Variants in CNKSR3 observed in about 807,000 individuals in gnomAD.
CNKSR3 encodes CNKSR family member 3, also known as connector enhancer of kinase suppressor of ras 3.
Under a neutral mutation model 67.7 loss-of-function variants are expected in CNKSR3, and 36 were observed. The ratio of observed to expected loss-of-function variants is 0.53; its 90% CI spans 0.41 to 0.70. The LOEUF is 0.70. Among genes scored for constraint, CNKSR3 ranks in the 30% least tolerant of loss-of-function variants. CNKSR3 has a pLI of 0.00. For synonymous variants in CNKSR3, 281 were observed against 271.4 expected (o/e 1.04, Z -0.35); for missense variants, 630 against 695.2 (o/e 0.91, Z 1.05).
chr6:154,428,461 G>T (rs1209248565), intron 6 of CNKSR3, among the ~76,000 whole-genome samples: 1 of 152,192 alleles, frequency 6.6e-6, no homozygotes, highest in Non-Finnish European at 1.5e-5. Context: ...GAGGATGTGG[G>T]AGTGTTCTTA....
chr6:154,505,810 T>G (rs1787091344), intron 1 of CNKSR3, among the ~76,000 whole-genome samples: 1 of 152,076 alleles, frequency 6.6e-6, no homozygotes, highest in African/African-American at 2.4e-5. Context: ...AACTACACAA[T>G]TGTTGAGAGC....
rs190695472 is a variant in CNKSR3 at position 154,441,313 on chromosome 6, G to A, written c.486C>T (p.Asp162=). The change falls in exon 4 of 13, where the codon GAC becomes GAT. Residue 162 remains aspartate, a synonymous_variant. Transcript: ENST00000607772. ...TGACCTTCTGGACTGTAGTGGTCAG[G>A]TCCAAGCAAAGCTGGATAATTTTGT... ...TKNKIIQLCL[D]LTTTVQKDCF... is the part of the protein sequence containing the mutation. 1.9e-6 allele frequency: 3 copies of A among 1,612,356 alleles called. No homozygotes were observed. Among genetic ancestry groups the A allele is most frequent in the Non-Finnish European group, 2.5e-6 (3 of 1,179,032 alleles).
chr6:154,412,180 G>A, intron 10 of CNKSR3, among the ~76,000 whole-genome samples: 1 of 152,128 alleles, frequency 6.6e-6, no homozygotes, highest in East Asian at 1.9e-4. Flanking sequence ...CAGGTGGGAT[G>A]GCATCCACCT....
rs1386768785 is a variant in CNKSR3 at position 154,395,506 on chromosome 6, GT to G, written c.*10847del. ...GTGTGGGGGAGCAGAATTTCCACTT[GT>G]TTTCTTTCATCAACAAAGTAGAACA... On this transcript the variant is annotated 3_prime_UTR_variant, in exon 13 of 13. Coordinates refer to ENST00000607772, the MANE Select transcript of CNKSR3 (RefSeq NM_173515.4). 2.6e-5 allele frequency: 4 copies of G among 152,236 alleles called. No homozygotes were observed. Among genetic ancestry groups the G allele is most frequent in the East Asian group, 3.9e-4 (2 of 5,184 alleles). The allele number at this position is 152,236 out of a possible 1,614,324, so 9.4% of individuals were successfully genotyped here.
At chr6:154,487,564 G>A (rs1024635317) in intron 1 of CNKSR3, among the ~76,000 whole-genome samples, 1 of 152,206 alleles carries the variant, frequency 6.6e-6, no homozygotes, top group Non-Finnish European at 1.5e-5. Context: ...GTTTCAGAAT[G>A]AGGAACGGCC....
chr6:154,430,858 C>T (rs1220380993), intron 5 of CNKSR3, among the ~76,000 whole-genome samples: 1 of 152,026 alleles, frequency 6.6e-6, no homozygotes, highest in African/African-American at 2.4e-5. Flanking sequence ...GCAGAAATCC[C>T]CTTTCAGCAA....
At chr6:154,475,431 C>T (rs915401931) in intron 1 of CNKSR3, among the ~76,000 whole-genome samples, 3 of 152,162 alleles carry the variant, frequency 2.0e-5, no homozygotes, top group South Asian at 2.1e-4. Context: ...GCCCCCTCCC[C>T]GGTGGAAATG....
At chr6:154,497,103 C>T (rs1374212033) in intron 1 of CNKSR3, among the ~76,000 whole-genome samples, 4 of 152,058 alleles carry the variant, frequency 2.6e-5, no homozygotes, top group African/African-American at 9.7e-5. Flanking sequence ...AAAGGCCAGG[C>T]GCGGTGGCTC....
Position 154,510,132 on chromosome 6 carries a change from C to T in CNKSR3, c.-18G>A, listed in dbSNP as rs1309736320. ...GGTTCCATGGTAAACCGCTTCGCCTCTCGCTGGGCTGGAGAGTCGCAGATA... is the reference window on the plus strand; with the variant it reads ...GGTTCCATGGTAAACCGCTTCGCCTTTCGCTGGGCTGGAGAGTCGCAGATA... On this transcript the variant is annotated 5_prime_UTR_variant, in exon 1 of 13. Coordinates refer to ENST00000607772, the MANE Select transcript of CNKSR3 (RefSeq NM_173515.4). 6.2e-7 allele frequency: 1 copy of T among 1,613,984 alleles called. No individual in the cohort carries two copies. Among genetic ancestry groups the T allele is most frequent in the Admixed American group, 1.7e-5 (1 of 60,012 alleles).
chr6:154,425,558 T>A (rs1205817972), intron 7 of CNKSR3, among the ~76,000 whole-genome samples: 1 of 152,324 alleles, frequency 6.6e-6, no homozygotes, highest in Non-Finnish European at 1.5e-5. Flanking sequence ...CTTCAGAGGC[T>A]AATCTAACTC....
chr6:154,504,033 C>A (rs867961231), intron 1 of CNKSR3, among the ~76,000 whole-genome samples: 3 of 152,228 alleles, frequency 2.0e-5, no homozygotes, highest in Admixed American at 1.3e-4. Flanking sequence ...GCCCAAGCTT[C>A]TGCATCTCTA....
chr6:154,436,539 G>A (rs1249281884), intron 4 of CNKSR3, among the ~76,000 whole-genome samples: 1 of 151,992 alleles, frequency 6.6e-6, no homozygotes, highest in Non-Finnish European at 1.5e-5. Context: ...TTGTTGTTAA[G>A]ATACTATCTT....
Position 154,394,693 on chromosome 6 carries a change from T to C in CNKSR3, c.*11661A>G, listed in dbSNP as rs1252249168. ...AAATAAAAAGCAGAAATCAGTGAAA[T>C]TGAAAACAAAGAAACAACAGAAAGG... On this transcript the variant is annotated 3_prime_UTR_variant, in exon 13 of 13. Coordinates refer to ENST00000607772, the MANE Select transcript of CNKSR3 (RefSeq NM_173515.4). The C allele has an allele frequency of 6.9e-6, 1 of 145,566 alleles. No individual in the cohort carries two copies. The highest frequency in any genetic ancestry group is 1.5e-5 in the Non-Finnish European group (1 of 66,028). The allele number at this position is 145,566 out of a possible 1,614,324, so 9.0% of individuals were successfully genotyped here.
intron 1 of CNKSR3, among the ~76,000 whole-genome samples, chr6:154,460,951 T>C (rs985162910): frequency 6.6e-6 from 1 of 152,084 alleles, no homozygotes; most frequent in Non-Finnish European, 1.5e-5. Flanking sequence ...TCACTTCTGC[T>C]CCACCTGAGC....
chr6:154,440,387 C>T (rs937219579), intron 4 of CNKSR3, among the ~76,000 whole-genome samples: 8 of 152,154 alleles, frequency 5.3e-5, no homozygotes, highest in Non-Finnish European at 1.0e-4. Context: ...CGTGAAAAAA[C>T]AACAAGCTCT....
intron 1 of CNKSR3, among the ~76,000 whole-genome samples, chr6:154,469,760 G>C (rs1371447479): frequency 6.6e-6 from 1 of 151,996 alleles, no homozygotes; most frequent in Non-Finnish European, 1.5e-5. Context: ...AACTAACTTG[G>C]GGTTAGGCAT....
rs1784711026 is a variant in CNKSR3 at position 154,401,081 on chromosome 6, T to C, written c.*5273A>G. On this transcript the variant is annotated 3_prime_UTR_variant, in exon 13 of 13. Coordinates refer to ENST00000607772, the MANE Select transcript of CNKSR3 (RefSeq NM_173515.4). Reference sequence around the variant, plus strand: ...CAGAAATCAGCTTTTGTGTGCTCCTTAAGCCAGTTTTAAAATAGATTTTAA... The same window carrying C: ...CAGAAATCAGCTTTTGTGTGCTCCTCAAGCCAGTTTTAAAATAGATTTTAA... 1 of 152,178 alleles carries C rather than the reference T, an allele frequency of 6.6e-6. No homozygotes were observed. Among genetic ancestry groups the C allele is most frequent in the South Asian group, 2.1e-4 (1 of 4,832 alleles). The allele number at this position is 152,178 out of a possible 1,614,324, so 9.4% of individuals were successfully genotyped here.
chr6:154,390,761 CT>C lies in CNKSR3; in HGVS notation c.*15592del, dbSNP rs1437124376. On this transcript the variant is annotated 3_prime_UTR_variant, in exon 13 of 13. Transcript: ENST00000607772. ...TTCTCACAGCTCTGCAGGTGGAAGA[CT>C]GATCAAGGTGTCAGCAGCACTGGTT... The C allele has an allele frequency of 1.4e-5, 2 of 147,636 alleles. No individual in the cohort carries two copies. The highest frequency in any genetic ancestry group is 3.0e-5 in the Non-Finnish European group (2 of 67,540). The allele number at this position is 147,636 out of a possible 1,614,324, so 9.1% of individuals were successfully genotyped here.
At chr6:154,500,256 AACACAC>A (rs5881088) in intron 1 of CNKSR3, among the ~76,000 whole-genome samples, 87 of 147,316 alleles carry the variant, frequency 5.9e-4, no homozygotes, top group Middle Eastern at 7.1e-3. Context: ...TAAAATTAGA[AACACAC>A]ACACACACAC....
Sources: gnomAD v4.1 joint callset for allele counts (sites outside exome capture counted in the v4.1 genomes callset) on GRCh38, gnomAD v4.1.1 for gene constraint, MANE v1.5 for transcripts, NCBI Gene and HGNC (gene_info 2026-07-23, HGNC 2026-07-21) for gene names.